The following RAB27B variants were observed in gnomAD, a reference collection of about 807,000 sequenced individuals.
RAB27B encodes ras-related protein Rab-27B.
RAB27B carries 15 observed loss-of-function variants against 24.6 expected under a neutral mutation model. The observed-to-expected ratio is 0.61, with a 90% confidence interval of 0.41 to 0.94. The LOEUF (loss-of-function observed/expected upper bound fraction) is 0.94. Among genes scored for constraint, RAB27B ranks in the 40% least tolerant of loss-of-function variants. The probability of loss-of-function intolerance (pLI) is 0.00; values close to 1 mark genes in which losing one functional copy is unlikely to be tolerated. For synonymous variants in RAB27B, 105 were observed against 92.5 expected (o/e 1.14, Z -0.78); for missense variants, 261 against 266.8 (o/e 0.98, Z 0.15).
At position 54,735,229 on chromosome 18, in the gene RAB27B, C is replaced by G. The variant is rs140742712; in HGVS notation, c.-20+17088C>G. On this transcript the variant is annotated intron_variant, in intron 2 of 4. Coordinates refer to the RAB27B transcript ENST00000586570. Reference sequence around the variant, plus strand: ...AACAAAAAATGAGACAAACTAAGTGCATACCTGTGCTGTGCTGTCCAGTAA... The same window carrying G: ...AACAAAAAATGAGACAAACTAAGTGGATACCTGTGCTGTGCTGTCCAGTAA... 4.0e-3 allele frequency among the ~76,000 whole-genome samples: 606 copies of G among 152,276 alleles called. 8 individuals are homozygous for G. Among genetic ancestry groups the G allele is most frequent in the African/African-American group, 0.014 (567 of 41,564 alleles).
At chr18:54,791,444 A>G (rs1909243164) in intron 2 of RAB27B, among the ~76,000 whole-genome samples, 1 of 152,156 alleles carries the variant, frequency 6.6e-6, no homozygotes. Flanking sequence ...GTGTGGTGGA[A>G]CACGCCTGTA....
At chr18:54,874,776 T>C (rs11872165) in intron 1 of RAB27B, among the ~76,000 whole-genome samples, 2,164 of 152,282 alleles carry the variant, frequency 0.014, 53 homozygotes, top group African/African-American at 0.049. Context: ...TTAAGCACTT[T>C]CTTTTTTCTG....
intron 1 of RAB27B, among the ~76,000 whole-genome samples, chr18:54,847,278 TC>T (rs2145211303): frequency 6.6e-6 from 1 of 152,360 alleles, no homozygotes; most frequent in East Asian, 1.9e-4. Flanking sequence ...AAAATACGTT[TC>T]TACTGCACAT....
At chr18:54,769,310 T>C (rs1032661169) in intron 2 of RAB27B, among the ~76,000 whole-genome samples, 2 of 152,172 alleles carry the variant, frequency 1.3e-5, no homozygotes, top group Admixed American at 1.3e-4. Context: ...TGACTCCACG[T>C]CTCACCTCTG....
At chr18:54,722,732 T>C (rs1909400293) in intron 2 of RAB27B, among the ~76,000 whole-genome samples, 1 of 152,206 alleles carries the variant, frequency 6.6e-6, no homozygotes, top group Admixed American at 6.5e-5. Context: ...CACACAAACA[T>C]GCACATGTAT....
intron 1 of RAB27B, among the ~76,000 whole-genome samples, chr18:54,857,028 G>A (rs1194383832): frequency 6.6e-6 from 1 of 151,952 alleles, no homozygotes; most frequent in African/African-American, 2.4e-5. Flanking sequence ...CCCTCTCTTG[G>A]GTTTAGGGAT....
At chr18:54,877,532 A>T (rs1912750780) in intron 1 of RAB27B, 35 bp from the exon 2 acceptor site, 1 of 1,321,380 alleles carries the variant, frequency 7.6e-7, no homozygotes. Context: ...AATCAACTTT[A>T]ATCAAAACAT....
chr18:54,877,536 A>C (rs769322432), intron 1 of RAB27B, 31 bp from the exon 2 acceptor site: 2 of 1,331,486 alleles, frequency 1.5e-6, no homozygotes, highest in Non-Finnish European at 2.0e-6. Context: ...AACTTTAATC[A>C]AAACATACTT....
At chr18:54,724,658 C>T (rs1413251339) in intron 2 of RAB27B, among the ~76,000 whole-genome samples, 1 of 151,474 alleles carries the variant, frequency 6.6e-6, no homozygotes, top group Admixed American at 6.6e-5. Flanking sequence ...CGAGATCACA[C>T]CGCTGCATTC....
intron 2 of RAB27B, among the ~76,000 whole-genome samples, chr18:54,719,987 A>G (rs1399792093): frequency 3.3e-5 from 5 of 152,094 alleles, no homozygotes; most frequent in Non-Finnish European, 7.4e-5. Context: ...ATGATAGGGG[A>G]AAAAGTCCCA....
intron 2 of RAB27B, among the ~76,000 whole-genome samples, chr18:54,766,613 T>C (rs1250856848): frequency 6.6e-6 from 1 of 152,180 alleles, no homozygotes; most frequent in Non-Finnish European, 1.5e-5. Flanking sequence ...CTTAACATTT[T>C]AGTCGGGCTT....
At chr18:54,850,926 G>C (rs1473577236) in intron 1 of RAB27B, among the ~76,000 whole-genome samples, 2 of 151,798 alleles carry the variant, frequency 1.3e-5, no homozygotes, top group Non-Finnish European at 2.9e-5. Context: ...CAAACCTCAG[G>C]CCTCCTACTC....
At chr18:54,741,341 T>G (rs902193462) in intron 2 of RAB27B, among the ~76,000 whole-genome samples, 2 of 152,146 alleles carry the variant, frequency 1.3e-5, no homozygotes, top group African/African-American at 4.8e-5. Flanking sequence ...CAAAGATGAA[T>G]GTATATTATT....
At chr18:54,835,488 C>G (rs1227743054) in intron 1 of RAB27B, among the ~76,000 whole-genome samples, 1 of 151,914 alleles carries the variant, frequency 6.6e-6, no homozygotes. Context: ...AATACCTATT[C>G]TCAAATACTG....
intron 1 of RAB27B, among the ~76,000 whole-genome samples, chr18:54,865,237 T>TTTTG (rs146590864): frequency 4.2e-5 from 6 of 143,392 alleles, no homozygotes; most frequent in African/African-American, 1.6e-4. Flanking sequence ...CAATGGCCTT[T>TTTTG]TGTGTGTGTG....
At chr18:54,751,991 C>T (rs920708329) in intron 2 of RAB27B, among the ~76,000 whole-genome samples, 2 of 152,174 alleles carry the variant, frequency 1.3e-5, no homozygotes, top group Non-Finnish European at 2.9e-5. Flanking sequence ...GCAACAGGCT[C>T]ATGCCCTTAG....
chr18:54,738,304 A>C (rs1183858600), intron 2 of RAB27B, among the ~76,000 whole-genome samples: 1 of 152,290 alleles, frequency 6.6e-6, no homozygotes, highest in East Asian at 1.9e-4. Flanking sequence ...CCGTGTCCCC[A>C]CCCAAATCTC....
At chr18:54,840,211 A>G (rs1244262807) in intron 1 of RAB27B, among the ~76,000 whole-genome samples, 1 of 152,146 alleles carries the variant, frequency 6.6e-6, no homozygotes, top group East Asian at 1.9e-4. Context: ...CATGGGTAAA[A>G]TTAATCTTTC....
At chr18:54,858,005 T>C (rs1911852626) in intron 1 of RAB27B, among the ~76,000 whole-genome samples, 1 of 152,224 alleles carries the variant, frequency 6.6e-6, no homozygotes, top group South Asian at 2.1e-4. Context: ...TCAGATGATG[T>C]TGGAAGATTT....
Sources: gnomAD v4.1 joint callset for allele counts (sites outside exome capture counted in the v4.1 genomes callset) on GRCh38, gnomAD v4.1.1 for gene constraint, MANE v1.5 for transcripts, NCBI Gene and HGNC (gene_info 2026-07-23, HGNC 2026-07-21) for gene names.